The following SORBS2 variants were observed in gnomAD, a reference collection of about 807,000 sequenced individuals.
SORBS2 encodes sorbin and SH3 domain containing 2, also known as sorbin and SH3 domain-containing protein 2.
In SORBS2, 46 loss-of-function variants were observed where a neutral mutation model predicts 97.7. The ratio of observed to expected loss-of-function variants is 0.47; its 90% CI spans 0.37 to 0.60. SORBS2 has a LOEUF of 0.60. Among genes scored for constraint, SORBS2 ranks in the 20% least tolerant of loss-of-function variants. The probability of loss-of-function intolerance (pLI) is 0.00; values close to 1 mark genes in which losing one functional copy is unlikely to be tolerated. For missense variants in SORBS2, 1,316 were observed against 1,282.3 expected, an observed-to-expected ratio of 1.03 and a Z score of -0.40; for synonymous variants, 476 against 473.4, an observed-to-expected ratio of 1.01 and a Z score of -0.07.
At chr4:185,889,516 G>A (rs552671997) in intron 1 of SORBS2, among the ~76,000 whole-genome samples, 3 of 151,832 alleles carry the variant, frequency 2.0e-5, no homozygotes, top group Non-Finnish European at 4.4e-5. Context: ...TGATGCTGTT[G>A]CACCTAACTC....
chr4:185,785,084 G>T (rs2099049693), intron 1 of SORBS2, among the ~76,000 whole-genome samples: 1 of 151,892 alleles, frequency 6.6e-6, no homozygotes. Flanking sequence ...ATTGTTCAGA[G>T]AGCTTTCAAC....
chr4:185,939,996 G>A (rs982243296), intron 1 of SORBS2, among the ~76,000 whole-genome samples: 1 of 152,162 alleles, frequency 6.6e-6, no homozygotes, highest in Admixed American at 6.5e-5. Flanking sequence ...CAGATGAGCC[G>A]CACCCTCTTG....
At chr4:185,761,367 T>C (rs1008523299) in intron 2 of SORBS2, 1 of 152,238 alleles carries the variant, frequency 6.6e-6, no homozygotes, top group Admixed American at 6.5e-5. Context: ...TAGAAGCAAA[T>C]ACAACAATAT....
intron 2 of SORBS2, chr4:185,757,039 T>C (rs978469954): frequency 1.2e-6 from 1 of 841,342 alleles, no homozygotes; most frequent in Non-Finnish European, 2.1e-6. Context: ...ATGTCTTGCA[T>C]GATGAACTTC....
chr4:185,682,508 G>T (rs985442158), intron 2 of SORBS2, among the ~76,000 whole-genome samples: 1 of 152,186 alleles, frequency 6.6e-6, no homozygotes, highest in African/African-American at 2.4e-5. Flanking sequence ...TCTGATCAGA[G>T]AAGGGAGTGA....
chr4:185,799,644 T>A (rs79239694), intron 1 of SORBS2, among the ~76,000 whole-genome samples: 2,203 of 152,264 alleles, frequency 0.014, 48 homozygotes, highest in African/African-American at 0.051. Context: ...GATGAGTAAC[T>A]AGAGCACAGG....
intron 2 of SORBS2, among the ~76,000 whole-genome samples, chr4:185,744,180 C>T (rs1364517199): frequency 2.0e-5 from 3 of 150,752 alleles, no homozygotes; most frequent in Admixed American, 6.7e-5. Context: ...CTCCAATTTT[C>T]ACTTCCTAAA....
intron 1 of SORBS2, among the ~76,000 whole-genome samples, chr4:185,903,352 T>C (rs6849056): frequency 0.13 from 20,207 of 152,146 alleles, 1,407 homozygotes; most frequent in Middle Eastern, 0.22. Context: ...ACTCAGTAAG[T>C]TGTAGGAGGT....
rs372640600 is a variant in SORBS2 at position 185,872,827 on chromosome 4, G to C, written c.-338+83369C>G. ...TTTCTCCCATGCAATGCTGGGAAGG[G>C]AGGAACCCTCTACACCTCCCATTAT... On this transcript the variant is annotated intron_variant, in intron 1 of 20. Transcript: ENST00000284776. Among the ~76,000 whole-genome samples the C allele has an allele frequency of 1.1e-4, 17 of 152,322 alleles. No individual in the cohort carries two copies. The East Asian group carries it at 1.9e-3, about 17-fold the overall frequency.
intron 1 of SORBS2, among the ~76,000 whole-genome samples, chr4:185,826,730 T>C (rs1374964977): frequency 2.6e-5 from 4 of 152,198 alleles, no homozygotes; most frequent in Non-Finnish European, 4.4e-5. Flanking sequence ...ACTTCTGTGA[T>C]GTATAGGGCA....
exon 3 of SORBS2, chr4:185,649,488 C>G: frequency 6.3e-7 from 1 of 1,586,952 alleles, no homozygotes; most frequent in South Asian, 1.1e-5. Context: ...AGACCGATCT[C>G]TTGGTCGAAG....
chr4:185,774,734 C>T (rs991942814), intron 2 of SORBS2: 1 of 152,178 alleles, frequency 6.6e-6, no homozygotes, highest in Non-Finnish European at 1.5e-5. Context: ...ATCAACCACT[C>T]TAATTCCACA....
At chr4:185,833,191 C>A (rs571390489) in intron 1 of SORBS2, among the ~76,000 whole-genome samples, 1 of 152,204 alleles carries the variant, frequency 6.6e-6, no homozygotes, top group Admixed American at 6.5e-5. Context: ...CTGACTATAA[C>A]TACCATGCAC....
At chr4:185,653,392 C>T (rs1374624948) in intron 1 of SORBS2, among the ~76,000 whole-genome samples, 2 of 152,120 alleles carry the variant, frequency 1.3e-5, no homozygotes, top group South Asian at 2.1e-4. Context: ...ATCCAGGCGT[C>T]GGACATGAGG....
At chr4:185,815,301 T>C (rs900574149) in intron 1 of SORBS2, among the ~76,000 whole-genome samples, 2 of 152,186 alleles carry the variant, frequency 1.3e-5, no homozygotes, top group African/African-American at 2.4e-5. Flanking sequence ...GAGATTGTTG[T>C]CTTAGTGTGG....
chr4:185,880,050 TGTGA>T (rs2099236088), intron 1 of SORBS2, among the ~76,000 whole-genome samples: 1 of 152,200 alleles, frequency 6.6e-6, no homozygotes, highest in South Asian at 2.1e-4. Context: ...TGGCGAGTGA[TGTGA>T]ATTATCCATG....
At chr4:185,866,073 G>A (rs1455190469) in intron 1 of SORBS2, among the ~76,000 whole-genome samples, 1 of 152,150 alleles carries the variant, frequency 6.6e-6, no homozygotes, top group African/African-American at 2.4e-5. Context: ...CCTAAAAAAT[G>A]CAGCCATATT....
intron 1 of SORBS2, among the ~76,000 whole-genome samples, chr4:185,953,086 G>A (rs554475956): frequency 1.3e-5 from 2 of 152,296 alleles, no homozygotes; most frequent in Admixed American, 6.5e-5. Context: ...AGGCTGAGGC[G>A]GGTGGATCAC....
chr4:185,761,696 T>C lies in SORBS2; in HGVS notation c.-198+13531A>G, dbSNP rs377486498. The C allele has an allele frequency of 1.6e-4, 24 of 152,336 alleles. No individual in the cohort carries two copies. The East Asian group carries it at 3.5e-3, about 22-fold the overall frequency. The allele number at this position is 152,336 out of a possible 1,614,324, so 9.4% of individuals were successfully genotyped here. On this transcript the variant is annotated intron_variant, in intron 2 of 20. Coordinates refer to the SORBS2 transcript ENST00000284776. ...TGTGAACATTGTGTCCGAAAGAGAA[T>C]CTGAGGAAAAGGGTGTTTTGAGGTT...
Sources: gnomAD v4.1 joint callset for allele counts (sites outside exome capture counted in the v4.1 genomes callset) on GRCh38, gnomAD v4.1.1 for gene constraint, MANE v1.5 for transcripts, NCBI Gene and HGNC (gene_info 2026-07-23, HGNC 2026-07-21) for gene names.